The following FHOD3 variants were observed in gnomAD, a reference collection of about 807,000 sequenced individuals.
The protein encoded by FHOD3 is formin homology 2 domain containing 3.
A neutral mutation model predicts 173.0 loss-of-function variants in FHOD3; 90 were observed. That is an observed-to-expected ratio of 0.52 (90% CI 0.44 to 0.62). FHOD3 has a LOEUF of 0.62. Ranked by LOEUF, FHOD3 falls within the 20% of genes least tolerant of loss-of-function variation. The pLI is 0.00. For missense variants in FHOD3, 1,945 were observed against 2,034.7 expected, an observed-to-expected ratio of 0.96 and a Z score of 0.85; for synonymous variants, 828 against 823.0, an observed-to-expected ratio of 1.01 and a Z score of -0.10.
At chr18:36,645,351 C>T (rs966254880) in intron 10 of FHOD3, among the ~76,000 whole-genome samples, 6 of 152,164 alleles carry the variant, frequency 3.9e-5, no homozygotes, top group Non-Finnish European at 7.3e-5. Context: ...ACTCAGGAAT[C>T]AGAGGCTGCA....
intron 3 of FHOD3, among the ~76,000 whole-genome samples, chr18:36,396,159 T>C (rs577420111): frequency 2.0e-5 from 3 of 152,336 alleles, no homozygotes; most frequent in African/African-American, 7.2e-5. Context: ...TTGTTATTTT[T>C]GCCTAAAAGA....
Position 36,759,122 on chromosome 18 carries a change from A to T in FHOD3, c.4430A>T (p.Asp1477Val). Residue 1477 changes from aspartate (D) to valine (V), a missense_variant, in exon 26 of 29, where the codon GAT becomes GTT. By Grantham distance (152) the Asp-to-Val change is radical. Transcript: ENST00000590592. ...KTRGKMITDTDEEEEVESGKF... is the reference protein window; with the variant it reads ...KTRGKMITDTVEEEEVESGKF... Reference sequence around the variant, plus strand: ...CTGTCCTGTCCTCTCGGGTAGACTGATGAGGAGGAGGAAGTTGAGGTATGA... The same window carrying T: ...CTGTCCTGTCCTCTCGGGTAGACTGTTGAGGAGGAGGAAGTTGAGGTATGA... The T allele has an allele frequency of 1.0e-5, 16 of 1,535,858 alleles. No homozygotes were observed. Among genetic ancestry groups the T allele is most frequent in the Non-Finnish European group, 1.4e-5 (16 of 1,146,704 alleles).
rs1206126554 is a variant in FHOD3, at chr18:36,359,511, C to T, written c.272+3866C>T. On this transcript the variant is annotated intron_variant, in intron 2 of 28. Coordinates refer to ENST00000590592, the MANE Select transcript of FHOD3 (RefSeq NM_001281740.3). ...GCAGCCTACAGGTTATTTTTCCTGA[C>T]GTTGTCATTGTGTGGCCTTGGGCAA... is the stretch of plus-strand genomic sequence containing the variant. 3.3e-5 allele frequency among the ~76,000 whole-genome samples: 5 copies of T among 150,006 alleles called. No homozygotes were observed. In the East Asian group the frequency reaches 5.8e-4, roughly 17 times the overall value.
At chr18:36,725,223 T>A (rs546888380) in intron 19 of FHOD3, among the ~76,000 whole-genome samples, 1 of 152,288 alleles carries the variant, frequency 6.6e-6, no homozygotes, top group East Asian at 1.9e-4. Context: ...TTTGGCTAAT[T>A]GTTCTTTTAT....
intron 4 of FHOD3, among the ~76,000 whole-genome samples, chr18:36,509,992 G>T (rs1218887331): frequency 6.6e-6 from 1 of 152,170 alleles, no homozygotes; most frequent in Non-Finnish European, 1.5e-5. Flanking sequence ...GGGATTAACT[G>T]GATTACACAG....
At chr18:36,605,500 A>C (rs1020900049) in intron 8 of FHOD3, among the ~76,000 whole-genome samples, 5 of 152,206 alleles carry the variant, frequency 3.3e-5, no homozygotes, top group African/African-American at 1.2e-4. Context: ...GACATCCAGA[A>C]AGATCCTTGA....
intron 3 of FHOD3, among the ~76,000 whole-genome samples, chr18:36,422,162 A>G (rs2050020337): frequency 2.0e-5 from 3 of 152,294 alleles, no homozygotes; most frequent in Admixed American, 1.3e-4. Flanking sequence ...TGGCCGCCAC[A>G]TGTAATCCTT....
chr18:36,563,122 T>G (rs139383520), intron 5 of FHOD3, among the ~76,000 whole-genome samples: 1 of 152,168 alleles, frequency 6.6e-6, no homozygotes, highest in South Asian at 2.1e-4. Context: ...AAATTGAGGG[T>G]TTTTAAAGTT....
rs542030020 is a variant in FHOD3, at chr18:36,623,904, G to A, written c.958-1607G>A. ...TGGCTAACCTGGCCTTGCCTCAGCC[G>A]AGCTCACATGAGGGCAGCTGATTTT... On this transcript the variant is annotated intron_variant, in intron 9 of 28. Coordinates refer to ENST00000590592, the MANE Select transcript of FHOD3 (RefSeq NM_001281740.3). Among the ~76,000 whole-genome samples, 29 of 152,292 alleles carry A rather than the reference G, an allele frequency of 1.9e-4. No homozygotes were observed. The South Asian group carries it at 5.8e-3, about 31-fold the overall frequency.
chr18:36,767,037 A>T (rs1326700265), intron 27 of FHOD3, among the ~76,000 whole-genome samples: 2 of 152,238 alleles, frequency 1.3e-5, no homozygotes, highest in Non-Finnish European at 2.9e-5. Flanking sequence ...GCAGAGGCCC[A>T]GTCTAAAAGC....
chr18:36,369,498 C>CACACACAT (rs1555682884), intron 2 of FHOD3, among the ~76,000 whole-genome samples: 47 of 95,974 alleles, frequency 4.9e-4, no homozygotes, highest in South Asian at 7.0e-4. Context: ...CACACACACA[C>CACACACAT]ATATATATAG....
At chr18:36,717,781 A>G (rs2040540142) in intron 18 of FHOD3, 51 bp from the exon 19 acceptor site, 1 of 1,513,708 alleles carries the variant, frequency 6.6e-7, no homozygotes, top group Non-Finnish European at 8.8e-7. Context: ...TCTCTCATGG[A>G]AGTGAGGCCC....
chr18:36,516,734 A>T lies in FHOD3; in HGVS notation c.511+4191A>T, dbSNP rs565658510. Among the ~76,000 whole-genome samples the T allele has an allele frequency of 2.6e-5, 4 of 152,258 alleles. No individual in the cohort carries two copies. In the South Asian group the frequency reaches 8.3e-4, roughly 32 times the overall value. ...ACTCCAGCCTGATTAACAGAGCAAG[A>T]CCCTGTTTTTAAAAAAGCTGTGTCA... On this transcript the variant is annotated intron_variant, in intron 5 of 28. Transcript: ENST00000590592.
intron 5 of FHOD3, among the ~76,000 whole-genome samples, chr18:36,541,836 T>G (rs2057234418): frequency 6.6e-6 from 1 of 152,220 alleles, no homozygotes. Flanking sequence ...CTGAACTAAA[T>G]CTCCAGCTTA....
chr18:36,469,851 G>A (rs571925894), intron 3 of FHOD3, among the ~76,000 whole-genome samples: 53 of 152,288 alleles, frequency 3.5e-4, no homozygotes, highest in African/African-American at 1.3e-3. Flanking sequence ...GGAAGCTCCA[G>A]TCCTCTGTGG....
At chr18:36,518,692 T>C (rs1386738114) in intron 5 of FHOD3, among the ~76,000 whole-genome samples, 1 of 152,262 alleles carries the variant, frequency 6.6e-6, no homozygotes, top group Admixed American at 6.5e-5. Context: ...CTGGCTTTTC[T>C]TGAAGTACTG....
Position 36,542,329 on chromosome 18 carries a change from A to G in FHOD3, c.511+29786A>G, listed in dbSNP as rs1014035124. On this transcript the variant is annotated intron_variant, in intron 5 of 28. Coordinates refer to ENST00000590592, the MANE Select transcript of FHOD3 (RefSeq NM_001281740.3). ...GGGGGTAGATGCCTTTATCTCTGTT[A>G]TGAACTCAAATCCCTTCAATTTATC... Among the ~76,000 whole-genome samples, 10 of 152,306 alleles carry G rather than the reference A, an allele frequency of 6.6e-5. No homozygotes were observed. In the South Asian group the frequency reaches 2.1e-3, roughly 32 times the overall value.
intron 2 of FHOD3, among the ~76,000 whole-genome samples, chr18:36,367,787 A>G (rs1161146695): frequency 6.6e-6 from 1 of 152,118 alleles, no homozygotes; most frequent in Non-Finnish European, 1.5e-5. Context: ...TCAGGTGTGG[A>G]GGGAGGGACC....
Position 36,779,560 on chromosome 18 carries a change from G to C in FHOD3, c.*30G>C, listed in dbSNP as rs2043948114. 6.2e-7 allele frequency: 1 copy of C among 1,604,080 alleles called. No homozygotes were observed. ...CATAGGTTACTCCCAGGAGTGTGCT[G>C]AGCAGAAGGCAAGCTCTTGCTGGAT... On this transcript the variant is annotated 3_prime_UTR_variant, in exon 29 of 29. Coordinates refer to ENST00000590592, the MANE Select transcript of FHOD3 (RefSeq NM_001281740.3).
Sources: gnomAD v4.1 joint callset for allele counts (sites outside exome capture counted in the v4.1 genomes callset) on GRCh38, gnomAD v4.1.1 for gene constraint, MANE v1.5 for transcripts, NCBI Gene and HGNC (gene_info 2026-07-23, HGNC 2026-07-21) for gene names.